FBLN7: variants seen among roughly 807,000 people sequenced by gnomAD.
FBLN7 encodes the protein fibulin 7, also known as fibulin-7.
FBLN7 carries 31 observed loss-of-function variants against 44.0 expected under a neutral mutation model. The observed-to-expected ratio is 0.70, with a 90% CI of 0.53 to 0.95. The LOEUF is 0.95. Among genes scored for constraint, FBLN7 ranks in the 40% least tolerant of loss-of-function variants. FBLN7 has a pLI of 0.00. For missense variants in FBLN7, 573 were observed against 618.5 expected, an observed-to-expected ratio of 0.93 and a Z score of 0.78; for synonymous variants, 262 against 253.4, an observed-to-expected ratio of 1.03 and a Z score of -0.32.
At chr2:112,237,015 T>A in the FBLN7 span, among the ~76,000 whole-genome samples, 1 of 152,166 alleles carries the variant, frequency 6.6e-6, no homozygotes, top group South Asian at 2.1e-4. Context: ...GAGCTATGAC[T>A]GCACTGCTGC....
At chr2:112,172,337 A>T (rs868335075) in intron 3 of FBLN7, among the ~76,000 whole-genome samples, 2 of 152,148 alleles carry the variant, frequency 1.3e-5, no homozygotes, top group Non-Finnish European at 2.9e-5. Flanking sequence ...GTTTAGTTAG[A>T]GCAATTTCCT....
chr2:112,213,847 C>A, the FBLN7 span: 1 of 144,390 alleles, frequency 6.9e-6, no homozygotes, highest in South Asian at 2.2e-4. Flanking sequence ...TAGTAACTGA[C>A]CATAAAAAGA....
chr2:112,140,118 C>G (rs1317641048), intron 1 of FBLN7, among the ~76,000 whole-genome samples: 14 of 101,722 alleles, frequency 1.4e-4, no homozygotes, highest in South Asian at 7.3e-4. Context: ...CCTCTCTCCA[C>G]GCCAGTGTCC....
chr2:112,203,573 C>T, the FBLN7 span, among the ~76,000 whole-genome samples: 1 of 151,930 alleles, frequency 6.6e-6, no homozygotes, highest in Non-Finnish European at 1.5e-5. Flanking sequence ...TATGAACTTA[C>T]CAAAAAAAGG....
At chr2:112,241,826 T>A in the FBLN7 span, among the ~76,000 whole-genome samples, 1 of 152,366 alleles carries the variant, frequency 6.6e-6, no homozygotes, top group South Asian at 2.1e-4. Flanking sequence ...CATTTGTTTT[T>A]AATATTTTGA....
the FBLN7 span, among the ~76,000 whole-genome samples, chr2:112,198,317 C>T: frequency 2.0e-5 from 3 of 152,132 alleles, no homozygotes; most frequent in African/African-American, 7.2e-5. Context: ...GCGGAGCTCA[C>T]ATAAATGGGA....
At chr2:112,197,274 C>CACACACAGAGAGAG in the FBLN7 span, among the ~76,000 whole-genome samples, 3 of 98,598 alleles carry the variant, frequency 3.0e-5, no homozygotes, top group Non-Finnish European at 6.7e-5. Context: ...CACACACACA[C>CACACACAGAGAGAG]AGAGAGAGAG....
chr2:112,185,133 A>T, intron 6 of FBLN7, 68 bp from the exon 7 acceptor site: 2 of 1,567,122 alleles, frequency 1.3e-6, no homozygotes, highest in Non-Finnish European at 1.7e-6. Context: ...AGGGCCTCTC[A>T]TGTGGTTCTG....
the FBLN7 span, among the ~76,000 whole-genome samples, chr2:112,234,572 G>A: frequency 4.6e-5 from 7 of 152,264 alleles, 1 homozygote; most frequent in East Asian, 5.8e-4. Context: ...AGGCTGAGGC[G>A]GGTGGACCAC....
At chr2:112,145,165 C>T (rs534882675) in intron 1 of FBLN7, among the ~76,000 whole-genome samples, 8 of 152,292 alleles carry the variant, frequency 5.3e-5, no homozygotes, top group East Asian at 1.9e-4. Context: ...TATCTCATTG[C>T]GGTTTTAATT....
the FBLN7 span, among the ~76,000 whole-genome samples, chr2:112,206,066 A>G: frequency 6.6e-6 from 1 of 152,190 alleles, no homozygotes; most frequent in Non-Finnish European, 1.5e-5. Flanking sequence ...ACAAGGACTA[A>G]TTCAGGTTAT....
Position 112,159,658 on chromosome 2 carries a change from G to A in FBLN7, c.76-18G>A. ...GTCAGTCTCAATGGGTGGTGGCGGC[G>A]ATGTCTTCTCTCCGCAGAACTGTCT... is the stretch of plus-strand genomic sequence containing the variant. On this transcript the variant is annotated intron_variant, in intron 1 of 7. Transcript: ENST00000331203. 1 of 1,502,948 alleles carries A rather than the reference G, an allele frequency of 6.7e-7. No homozygotes were observed. 93.1% of individuals were successfully genotyped at this position (1,502,948 alleles called of 1,614,324 possible).
the FBLN7 span, among the ~76,000 whole-genome samples, chr2:112,241,098 T>C: frequency 1.3e-5 from 2 of 151,862 alleles, no homozygotes; most frequent in Admixed American, 6.6e-5. Flanking sequence ...AAGGAAGTTA[T>C]GCTCTAAAGG....
Position 112,187,833 on chromosome 2 carries a change from T to C in FBLN7, c.*327T>C, listed in dbSNP as rs1425819988. 55 of 458,666 alleles carry C rather than the reference T, an allele frequency of 1.2e-4. No homozygotes were observed. In the East Asian group the frequency reaches 1.8e-3, roughly 15 times the overall value. The allele number at this position is 458,666 out of a possible 1,614,324, so 28.4% of individuals were successfully genotyped here. On this transcript the variant is annotated 3_prime_UTR_variant, in exon 8 of 8. Transcript: ENST00000331203. This position sits in a 1 kb window ranked among gnomAD's most constrained non-coding sequence, Gnocchi z 5.1. ...AATGGCCTTGTGAGTTTGAACTAGC[T>C]GGGGAGAGAAAAGGTGGCAATGTGT... is the stretch of plus-strand genomic sequence containing the variant.
Position 112,138,525 on chromosome 2 carries a change from C to T in FBLN7, c.-131C>T, listed in dbSNP as rs528831011. 1,765 of 1,343,940 alleles carry T rather than the reference C, an allele frequency of 1.3e-3. 13 individuals carry two copies. In the African/African-American group the frequency reaches 0.017, roughly 13 times the overall value. 83.3% of individuals were successfully genotyped at this position (1,343,940 alleles called of 1,614,324 possible). ...GCGCTCGGGGCCTCCCGCCTCCCCC[C>T]CTGCCCCAGCCGCCCCCCGGCCGCG... is the stretch of plus-strand genomic sequence containing the variant. On this transcript the variant is annotated 5_prime_UTR_variant, in exon 1 of 8. Coordinates refer to ENST00000331203, the MANE Select transcript of FBLN7 (RefSeq NM_153214.3).
Position 112,187,079 on chromosome 2 carries a change from G to T in FBLN7, c.948-55G>T. 1 of 1,583,654 alleles carries T rather than the reference G, an allele frequency of 6.3e-7. No homozygotes were observed. The highest frequency in any genetic ancestry group is 8.6e-7 in the Non-Finnish European group (1 of 1,162,828). On this transcript the variant is annotated intron_variant, in intron 7 of 7. Transcript: ENST00000331203. This position sits in a 1 kb window ranked among gnomAD's most constrained non-coding sequence, Gnocchi z 5.1. Reference sequence around the variant, plus strand: ...GCAGGTGGGCAGCCGGGTCAGAGCAGCTCTTCATGAGACTCCCCAAGGCTG... The same window carrying T: ...GCAGGTGGGCAGCCGGGTCAGAGCATCTCTTCATGAGACTCCCCAAGGCTG...
At chr2:112,220,651 G>A in the FBLN7 span, among the ~76,000 whole-genome samples, 109 of 152,160 alleles carry the variant, frequency 7.2e-4, no homozygotes, top group African/African-American at 2.3e-3. Flanking sequence ...GAGAAACCCC[G>A]TCTTCATTAA....
the FBLN7 span, among the ~76,000 whole-genome samples, chr2:112,206,513 C>T: frequency 2.0e-5 from 3 of 152,174 alleles, no homozygotes; most frequent in East Asian, 3.9e-4. Flanking sequence ...CTTGAGATTC[C>T]TGGGTTCAAG....
chr2:112,145,436 T>C (rs1680856336), intron 1 of FBLN7, among the ~76,000 whole-genome samples: 1 of 152,196 alleles, frequency 6.6e-6, no homozygotes, highest in South Asian at 2.1e-4. Flanking sequence ...TTGTTTTTAA[T>C]AAATTTTGAG....
Sources: gnomAD v4.1 joint callset for allele counts (sites outside exome capture counted in the v4.1 genomes callset) on GRCh38, gnomAD v4.1.1 for gene constraint, Gnocchi (gnomAD v3.1) non-coding constraint, MANE v1.5 for transcripts, NCBI Gene and HGNC (gene_info 2026-07-23, HGNC 2026-07-21) for gene names.